The following TTK variants were observed in gnomAD, a reference collection of about 807,000 sequenced individuals.
The protein encoded by TTK is TTK protein kinase, also known as dual specificity protein kinase TTK.
A neutral mutation model predicts 117.3 loss-of-function variants in TTK; 59 were observed. That is an observed-to-expected ratio of 0.50 (90% CI 0.41 to 0.62). The LOEUF is 0.62. TTK is among the 20% of genes least tolerant of loss of function. The pLI, the probability that TTK is intolerant of heterozygous loss-of-function variation, is 0.00. For synonymous variants in TTK, 302 were observed against 325.0 expected (o/e 0.93, Z 0.76); for missense variants, 921 against 989.4 (o/e 0.93, Z 0.93).
At chr6:80,026,763 A>G (rs1176067850) in intron 12 of TTK, among the ~76,000 whole-genome samples, 2 of 152,204 alleles carry the variant, frequency 1.3e-5, no homozygotes, top group Non-Finnish European at 2.9e-5. Flanking sequence ...CCTACAACCT[A>G]TAAATATTCT....
At chr6:80,013,079 T>C (rs1767202800) in intron 8 of TTK, among the ~76,000 whole-genome samples, 200 bp from the exon 9 acceptor site, 1 of 152,128 alleles carries the variant, frequency 6.6e-6, no homozygotes, top group Non-Finnish European at 1.5e-5. Context: ...GTGTCACTTT[T>C]GTCATTGCCC....
At chr6:80,006,178 AG>A (rs1218736145) in intron 2 of TTK, 196 bp downstream of exon 2, 9 of 638,918 alleles carry the variant, frequency 1.4e-5, no homozygotes, top group Non-Finnish European at 2.5e-5. Context: ...GGCACATGGT[AG>A]GTAGGCACTT....
chr6:80,035,068 T>A lies in TTK; in HGVS notation c.1698T>A (p.Asp566Glu). ...AAGAAGCAGATAACCAAACTCTTGATAGTTACCGGAACGAAATAGCTTATT... is the reference window on the plus strand; with the variant it reads ...AAGAAGCAGATAACCAAACTCTTGAAAGTTACCGGAACGAAATAGCTTATT... ...NLEEADNQTLDSYRNEIAYLN... is the reference protein window; with the variant it reads ...NLEEADNQTLESYRNEIAYLN... The change falls in exon 15 of 22, where the codon GAT (aspartate) becomes GAA (glutamate). Residue 566 changes from aspartate (D) to glutamate (E), a missense_variant. By Grantham distance (45) the Asp-to-Glu change is conservative. Coordinates refer to ENST00000369798, the MANE Select transcript of TTK (RefSeq NM_003318.5). The A allele has an allele frequency of 1.9e-6, 3 of 1,604,752 alleles. No individual in the cohort carries two copies. Among genetic ancestry groups the A allele is most frequent in the Non-Finnish European group, 2.5e-6 (3 of 1,177,128 alleles).
chr6:80,011,662 G>T (rs1047252109), intron 6 of TTK, 67 bp from the exon 7 acceptor site: 1 of 1,573,088 alleles, frequency 6.4e-7, no homozygotes, highest in South Asian at 1.1e-5. Flanking sequence ...ATAATGTTTA[G>T]CAGTAGAGTA....
At chr6:80,014,702 T>A (rs571530229) in intron 10 of TTK, 116 bp downstream of exon 10, 2 of 1,116,678 alleles carry the variant, frequency 1.8e-6, no homozygotes, top group East Asian at 5.2e-5. Flanking sequence ...TATGTTCTTT[T>A]ATCTTGAATT....
intron 12 of TTK, among the ~76,000 whole-genome samples, 200 bp downstream of exon 12, chr6:80,026,714 ATTG>A (rs1252961222): frequency 1.3e-5 from 2 of 152,162 alleles, no homozygotes; most frequent in African/African-American, 4.8e-5. Context: ...ATTTTTAAGG[ATTG>A]TTGTGCATGT....
At chr6:80,040,465 AT>A in intron 20 of TTK, 140 bp from the exon 21 acceptor site, 2 of 880,572 alleles carry the variant, frequency 2.3e-6, no homozygotes, top group Non-Finnish European at 3.3e-6. Context: ...TCTGGTATTT[AT>A]TTTTACTTAT....
chr6:80,006,673 T>C (rs547370744), intron 2 of TTK, among the ~76,000 whole-genome samples: 3 of 152,152 alleles, frequency 2.0e-5, no homozygotes, highest in Non-Finnish European at 4.4e-5. Context: ...GTTTTATTTG[T>C]TGATTAGAGG....
chr6:80,028,226 G>C (rs1767657621), intron 13 of TTK, among the ~76,000 whole-genome samples: 1 of 152,040 alleles, frequency 6.6e-6, no homozygotes. Context: ...TTAATAACTA[G>C]GCCAAAGGAT....
chr6:80,012,394 T>G (rs774642304), intron 8 of TTK, among the ~76,000 whole-genome samples: 1 of 151,958 alleles, frequency 6.6e-6, no homozygotes, highest in Non-Finnish European at 1.5e-5. Context: ...GATAGATGAT[T>G]ATTCTTTTGC....
intron 16 of TTK, 73 bp downstream of exon 16, chr6:80,035,490 A>G: frequency 1.2e-5 from 17 of 1,415,720 alleles, no homozygotes; most frequent in East Asian, 2.5e-5. Flanking sequence ...AAATATACCT[A>G]TAATTTTAGG....
chr6:80,006,010 T>C, intron 2 of TTK, 28 bp downstream of exon 2: 2 of 1,593,300 alleles, frequency 1.3e-6, no homozygotes, highest in Non-Finnish European at 1.7e-6. Context: ...TTTAAGTTAG[T>C]AACTGTTTGT....
At chr6:80,007,492 C>A (rs1767023547) in intron 2 of TTK, among the ~76,000 whole-genome samples, 1 of 151,942 alleles carries the variant, frequency 6.6e-6, no homozygotes, top group Admixed American at 6.6e-5. Context: ...TTATAGTTAT[C>A]CTGCAACAGC....
At chr6:80,040,127 A>C in intron 19 of TTK, 69 bp from the exon 20 acceptor site, 1 of 1,226,192 alleles carries the variant, frequency 8.2e-7, no homozygotes, top group Non-Finnish European at 1.1e-6. Flanking sequence ...TAATCTGGAA[A>C]AATACTTTAT....
Position 80,010,923 on chromosome 6 carries a change from G to C in TTK, c.579G>C (p.Gln193His). The change falls in exon 5 of 22, where the codon CAG becomes CAC. Residue 193 changes from glutamine (Q) to histidine (H), a missense_variant. Coordinates refer to ENST00000369798, the MANE Select transcript of TTK (RefSeq NM_003318.5). ...ALRNLNLQKK[Q>H]LLSEEEKKNL... ...GGAATTTAAACCTCCAAAAAAAGCAGCTGCTTTCAGAGGAGGAAAAGAAGA... is the reference window on the plus strand; with the variant it reads ...GGAATTTAAACCTCCAAAAAAAGCACCTGCTTTCAGAGGAGGAAAAGAAGA... 6.2e-7 allele frequency: 1 copy of C among 1,612,216 alleles called. No individual in the cohort carries two copies. Among genetic ancestry groups the C allele is most frequent in the Non-Finnish European group, 8.5e-7 (1 of 1,178,618 alleles).
At chr6:80,021,612 A>C (rs556465345) in intron 10 of TTK, among the ~76,000 whole-genome samples, 1 of 152,208 alleles carries the variant, frequency 6.6e-6, no homozygotes, top group South Asian at 2.1e-4. Context: ...AAGGGGTTTA[A>C]AAAGGAAAAG....
At chr6:80,025,858 T>TC (rs1767590759) in intron 11 of TTK, among the ~76,000 whole-genome samples, 1 of 149,292 alleles carries the variant, frequency 6.7e-6, no homozygotes, top group Non-Finnish European at 1.5e-5. Context: ...TCCTATAGGT[T>TC]CTTTTTTTTT....
rs1003243926 is a variant in TTK, at chr6:80,013,335, G to A, written c.953G>A (p.Gly318Glu). Residue 318 changes from glycine to glutamate, a missense_variant, in exon 9 of 22, where the codon GGA becomes GAA. By Grantham distance (98) the Gly-to-Glu change is moderately conservative (BLOSUM62 -2). Transcript: ENST00000369798. ...DLVVPGSKPS[G>E]NDSCELRNLK... ...GTTGTGCCTGGATCTAAACCAAGTG[G>A]AAATGATTCCTGTGAATTAAGAAAT... The A allele has an allele frequency of 3.7e-6, 6 of 1,602,436 alleles. No individual in the cohort carries two copies. The highest frequency in any genetic ancestry group is 2.7e-5 in the African/African-American group (2 of 73,904).
chr6:80,039,183 G>A (rs1372394374), intron 18 of TTK, among the ~76,000 whole-genome samples: 2 of 151,996 alleles, frequency 1.3e-5, no homozygotes, highest in African/African-American at 4.8e-5. Context: ...CTTTGAAGAT[G>A]TTTTAAAGCT....
Sources: allele counts gnomAD v4.1 joint callset (sites outside exome capture counted in the v4.1 genomes callset), GRCh38; gene constraint gnomAD v4.1.1; transcripts MANE v1.5; gene names NCBI Gene and HGNC (gene_info 2026-07-23, HGNC 2026-07-21).